The following NFIA variants were observed in gnomAD, a reference collection of about 807,000 sequenced individuals.
NFIA encodes the protein nuclear factor 1 A-type.
A neutral mutation model predicts 62.8 loss-of-function variants in NFIA; 8 were observed. That is an observed-to-expected ratio of 0.13 (90% CI 0.07 to 0.23). NFIA has a LOEUF of 0.23. Among genes scored for constraint, NFIA ranks in the 10% least tolerant of loss-of-function variants. The probability of loss-of-function intolerance (pLI) is 1.00; values close to 1 mark genes in which losing one functional copy is unlikely to be tolerated. For synonymous variants in NFIA, 235 were observed against 238.1 expected, an observed-to-expected ratio of 0.99 and a Z score of 0.12; for missense variants, 410 against 642.1, an observed-to-expected ratio of 0.64 and a Z score of 3.91.
chr1:61,113,751 T>TAGAGA (rs1553151779), intron 2 of NFIA, among the ~76,000 whole-genome samples: 46 of 151,792 alleles, frequency 3.0e-4, no homozygotes, highest in Non-Finnish European at 4.3e-4. Flanking sequence ...GAGGCCATGG[T>TAGAGA]GGAGAGAAGA....
chr1:61,414,414 T>C (rs1666261348), intron 9 of NFIA, among the ~76,000 whole-genome samples: 1 of 152,240 alleles, frequency 6.6e-6, no homozygotes, highest in Non-Finnish European at 1.5e-5. Context: ...CTCAAGGTCA[T>C]TCAGCCAGGA....
intron 2 of NFIA, among the ~76,000 whole-genome samples, chr1:61,275,655 A>G (rs867185346): frequency 1.3e-5 from 2 of 152,160 alleles, no homozygotes; most frequent in Non-Finnish European, 2.9e-5. Flanking sequence ...AAGAATTTTA[A>G]TTTTCCCTAA....
chr1:61,331,331 C>T (rs1320113704), intron 3 of NFIA, among the ~76,000 whole-genome samples: 3 of 152,164 alleles, frequency 2.0e-5, no homozygotes, highest in African/African-American at 7.2e-5. Context: ...TCCATTTATA[C>T]TCCTCCAAAA....
intron 2 of NFIA, among the ~76,000 whole-genome samples, chr1:61,210,506 C>T (rs1360056555): frequency 6.6e-6 from 1 of 152,172 alleles, no homozygotes; most frequent in Non-Finnish European, 1.5e-5. Context: ...TACAAATTTT[C>T]GTGGCATCTA....
At chr1:61,117,829 C>A (rs1293668782) in intron 2 of NFIA, among the ~76,000 whole-genome samples, 2 of 152,088 alleles carry the variant, frequency 1.3e-5, no homozygotes, top group African/African-American at 4.8e-5. Flanking sequence ...TTTCTATAAT[C>A]TCGTGATAAA....
chr1:61,183,040 A>C (rs1650862018), intron 2 of NFIA, among the ~76,000 whole-genome samples: 1 of 151,988 alleles, frequency 6.6e-6, no homozygotes, highest in South Asian at 2.1e-4. Context: ...TAATCTTTTG[A>C]TGGGCAGCTT....
At chr1:61,085,087 GGAA>G (rs1437786188) in intron 1 of NFIA, among the ~76,000 whole-genome samples, 2 of 151,456 alleles carry the variant, frequency 1.3e-5, no homozygotes, top group Non-Finnish European at 1.5e-5. Context: ...GCCAGTTTTA[GGAA>G]GAAGAACTTC....
chr1:61,428,140 T>C (rs148799342), intron 10 of NFIA, among the ~76,000 whole-genome samples: 15 of 152,334 alleles, frequency 9.8e-5, no homozygotes, highest in African/African-American at 3.6e-4. Context: ...TTTTACATAG[T>C]ATTTTTTATA....
chr1:61,121,631 G>A (rs1646888512), intron 2 of NFIA, among the ~76,000 whole-genome samples: 1 of 152,144 alleles, frequency 6.6e-6, no homozygotes, highest in African/African-American at 2.4e-5. Flanking sequence ...TCCATAGGTA[G>A]ATGTGTAACA....
chr1:61,456,787 T>A lies in NFIA; in HGVS notation c.*1467T>A, dbSNP rs1668321429. On this transcript the variant is annotated 3_prime_UTR_variant, in exon 11 of 11. Transcript: ENST00000403491. ...AAAGTTTGCACCCCCAAACGTCCTGTATCTTATGAAAAAAAAAACAAAAAA... is the reference window on the plus strand; with the variant it reads ...AAAGTTTGCACCCCCAAACGTCCTGAATCTTATGAAAAAAAAAACAAAAAA... 7.4e-6 allele frequency: 1 copy of A among 136,034 alleles called. No homozygotes were observed. The highest frequency in any genetic ancestry group is 2.9e-5 in the African/African-American group (1 of 34,922). The allele number at this position is 136,034 out of a possible 1,614,324, so 8.4% of individuals were successfully genotyped here. A position where few individuals can be genotyped will look rare whatever the true frequency, so the allele number is the denominator to read the frequency against.
chr1:61,160,004 C>G (rs1649079169), intron 2 of NFIA, among the ~76,000 whole-genome samples: 1 of 152,066 alleles, frequency 6.6e-6, no homozygotes, highest in Non-Finnish European at 1.5e-5. Flanking sequence ...TTTAAAGTGT[C>G]AAATAAGCAT....
chr1:61,329,911 G>T (rs1004344401), intron 3 of NFIA, among the ~76,000 whole-genome samples: 12 of 152,170 alleles, frequency 7.9e-5, no homozygotes, highest in Non-Finnish European at 1.6e-4. Flanking sequence ...CACCATGCTG[G>T]TGAAGAGGGA....
At chr1:61,130,369 A>G (rs1253314626) in intron 2 of NFIA, among the ~76,000 whole-genome samples, 1 of 152,166 alleles carries the variant, frequency 6.6e-6, no homozygotes, top group Admixed American at 6.5e-5. Context: ...AAAGACAGAC[A>G]CATTGCCCTG....
intron 2 of NFIA, among the ~76,000 whole-genome samples, chr1:61,116,269 A>C (rs1646792106): frequency 6.6e-6 from 1 of 152,206 alleles, no homozygotes; most frequent in Admixed American, 6.5e-5. Context: ...AAGTTAATTA[A>C]CAAAATGAAA....
At chr1:61,082,120 C>T (rs1646105079), upstream of NFIA, 1 of 1,227,556 alleles carries the variant, frequency 8.1e-7, no homozygotes, top group Non-Finnish European at 1.1e-6. Flanking sequence ...TAAGCACATC[C>T]TGTGGCAGCC....
chr1:61,179,311 G>T (rs1650597494), intron 2 of NFIA, among the ~76,000 whole-genome samples: 1 of 152,212 alleles, frequency 6.6e-6, no homozygotes, highest in Non-Finnish European at 1.5e-5. Context: ...AGAGGAGGCA[G>T]TGAAGCTAGG....
intron 3 of NFIA, among the ~76,000 whole-genome samples, chr1:61,285,636 TA>T (rs1222658267): frequency 6.6e-6 from 1 of 152,130 alleles, no homozygotes; most frequent in African/African-American, 2.4e-5. Context: ...AGCTTGTCGT[TA>T]AGGAAATCTA....
At chr1:61,182,243 T>G (rs527876354) in intron 2 of NFIA, among the ~76,000 whole-genome samples, 211 of 152,282 alleles carry the variant, frequency 1.4e-3, no homozygotes, top group African/African-American at 4.8e-3. Flanking sequence ...TAATTCTGTC[T>G]TGTTCACAGC....
intron 2 of NFIA, among the ~76,000 whole-genome samples, chr1:61,129,553 G>A (rs1263953822): frequency 2.0e-5 from 3 of 149,960 alleles, no homozygotes; most frequent in South Asian, 2.1e-4. Context: ...AGATTCAAGC[G>A]ATTCTCATGC....
Sources: allele counts gnomAD v4.1 joint callset (sites outside exome capture counted in the v4.1 genomes callset), GRCh38; gene constraint gnomAD v4.1.1; transcripts MANE v1.5; gene names NCBI Gene and HGNC (gene_info 2026-07-23, HGNC 2026-07-21).